The following DNAH14 variants were observed in gnomAD, a reference collection of about 807,000 sequenced individuals.
DNAH14 encodes dynein axonemal heavy chain 14, also known as axonemal beta dynein heavy chain 14.
Under a neutral mutation model 520.9 loss-of-function variants are expected in DNAH14, and 478 were observed. That is an observed-to-expected ratio of 0.92 (90% CI 0.85 to 0.99). The LOEUF is 0.99. Ranked by LOEUF, DNAH14 falls within the 50% of genes least tolerant of loss-of-function variation. The pLI, the probability that DNAH14 is intolerant of heterozygous loss-of-function variation, is 0.00. For synonymous variants in DNAH14, 1,581 were observed against 1,757.2 expected (o/e 0.90, Z 2.51); for missense variants, 4,831 against 5,234.5 (o/e 0.92, Z 2.38).
chr1:225,340,710 A>G lies in DNAH14; in HGVS notation c.10678+9A>G. ...ACTGCAGAAAGCACTAGGTAAGTCA[A>G]GATATTTAGTGATAGTAAGAGATCT... is the stretch of plus-strand genomic sequence containing the variant. On this transcript the variant is annotated intron_variant, in intron 69 of 85. Transcript: ENST00000682510. 6.5e-7 allele frequency: 1 copy of G among 1,549,528 alleles called. No homozygotes were observed. Among genetic ancestry groups the G allele is most frequent in the Non-Finnish European group, 8.7e-7 (1 of 1,145,854 alleles).
At chr1:224,930,399 C>A (rs550084958) in intron 1 of DNAH14, among the ~76,000 whole-genome samples, 1 of 152,168 alleles carries the variant, frequency 6.6e-6, no homozygotes, top group Non-Finnish European at 1.5e-5. Context: ...TGCCTCATAA[C>A]AGCGGTAGTC....
At chr1:225,379,925 C>T (rs1408971992) in intron 79 of DNAH14, among the ~76,000 whole-genome samples, 1 of 152,188 alleles carries the variant, frequency 6.6e-6, no homozygotes, top group Non-Finnish European at 1.5e-5. Context: ...CAGGGCAATT[C>T]ATATGTCCAT....
intron 46 of DNAH14, among the ~76,000 whole-genome samples, chr1:225,263,541 A>T (rs2093012351): frequency 6.6e-6 from 1 of 151,822 alleles, no homozygotes; most frequent in Non-Finnish European, 1.5e-5. Context: ...CTATCTTCAC[A>T]TATATCTTGA....
chr1:224,952,837 T>C (rs546294120), intron 2 of DNAH14, 58 bp downstream of exon 2: 12 of 1,276,958 alleles, frequency 9.4e-6, no homozygotes, highest in Non-Finnish European at 1.3e-5. Context: ...CAGCAGTGTA[T>C]GGCTGGTGGT....
chr1:224,967,475 GA>G lies in DNAH14; in HGVS notation c.547del (p.Ser183ValfsTer13). 2 of 1,576,042 alleles carry G rather than the reference GA, an allele frequency of 1.3e-6. No homozygotes were observed. Among genetic ancestry groups the G allele is most frequent in the South Asian group, 1.2e-5 (1 of 82,634 alleles). ...GAGAATTTGTTTATTGCCTTCCTCG[GA>G]AAAGTCCTAAATCCCTTTACAATCC... is the stretch of plus-strand genomic sequence containing the variant. Reference protein sequence around the residue: ...DGEFVYCLPRKSPKSLYNPYD... With the variant: ...DGEFVYCLPRXSPKSLYNPYD... On this transcript the variant is annotated frameshift_variant, in exon 6 of 86. Transcript: ENST00000682510. LOFTEE classifies it high-confidence loss of function.
Position 225,043,036 on chromosome 1 carries a change from A to G in DNAH14, c.1690A>G (p.Lys564Glu), listed in dbSNP as rs1190238624. 11 of 1,551,656 alleles carry G rather than the reference A, an allele frequency of 7.1e-6. No individual in the cohort carries two copies. The highest frequency in any genetic ancestry group is 9.6e-6 in the Non-Finnish European group (11 of 1,147,016). Residue 564 changes from lysine (K) to glutamate (E), a missense_variant, in exon 13 of 86, where the codon AAA (lysine) becomes GAA (glutamate). Transcript: ENST00000682510. ...AGAAAATAAAGACAATTGTGTCAAA[A>G]AACACTCAAGTGAAGAATTGCTCCC... ...MSENKDNCVK[K>E]HSSEELLPKA...
intron 23 of DNAH14, among the ~76,000 whole-genome samples, chr1:225,103,876 C>T (rs1055114796): frequency 6.6e-6 from 1 of 152,048 alleles, no homozygotes; most frequent in Non-Finnish European, 1.5e-5. Context: ...ATTGAATACC[C>T]TTTATTTCCT....
chr1:225,186,547 T>G (rs922681983), intron 37 of DNAH14, among the ~76,000 whole-genome samples: 27 of 151,818 alleles, frequency 1.8e-4, no homozygotes, highest in Non-Finnish European at 3.2e-4. Context: ...TGTGAGAAAT[T>G]TGGAAAATAA....
intron 77 of DNAH14, among the ~76,000 whole-genome samples, chr1:225,372,068 G>T (rs942104973): frequency 6.6e-6 from 1 of 152,132 alleles, no homozygotes; most frequent in Non-Finnish European, 1.5e-5. Context: ...GTAATAAGTG[G>T]AGGTCCGATT....
chr1:225,105,774 G>A (rs111479848), intron 23 of DNAH14, among the ~76,000 whole-genome samples: 1,775 of 152,030 alleles, frequency 0.012, 20 homozygotes, highest in Non-Finnish European at 0.017. Flanking sequence ...TTGAGCCTAT[G>A]TGTGTCTCTG....
chr1:225,328,560 ACTTC>A (rs910688684), intron 64 of DNAH14, among the ~76,000 whole-genome samples: 29 of 152,132 alleles, frequency 1.9e-4, no homozygotes, highest in Non-Finnish European at 2.4e-4. Flanking sequence ...TCAGCTACAT[ACTTC>A]CTTCCAGTTA....
intron 21 of DNAH14, among the ~76,000 whole-genome samples, chr1:225,094,656 C>CAAAAAAAAAAAAAAAA (rs760828776): frequency 5.3e-4 from 41 of 77,818 alleles, no homozygotes; most frequent in Non-Finnish European, 1.2e-3. Flanking sequence ...TTCTGCACAG[C>CAAAAAAAAAAAAAAAA]AAAAAAAAAA....
chr1:225,040,005 T>C (rs2067323697), intron 12 of DNAH14, among the ~76,000 whole-genome samples: 1 of 142,990 alleles, frequency 7.0e-6, no homozygotes, highest in African/African-American at 2.5e-5. Flanking sequence ...TGGTGTGATC[T>C]CGACTCACTG....
intron 11 of DNAH14, among the ~76,000 whole-genome samples, chr1:225,033,887 T>G (rs76578448): frequency 0.025 from 3,771 of 152,244 alleles, 123 homozygotes; most frequent in African/African-American, 0.077. Flanking sequence ...TGTTAGTATA[T>G]AGGAATGCTA....
intron 4 of DNAH14, among the ~76,000 whole-genome samples, chr1:224,962,867 A>G (rs1035719691): frequency 6.6e-6 from 1 of 152,130 alleles, no homozygotes; most frequent in Non-Finnish European, 1.5e-5. Context: ...AGTCTTTGTC[A>G]GATCTGTTGA....
intron 68 of DNAH14, among the ~76,000 whole-genome samples, chr1:225,339,522 G>C (rs965570091): frequency 6.6e-6 from 1 of 152,122 alleles, no homozygotes; most frequent in African/African-American, 2.4e-5. Flanking sequence ...ACTACACTTT[G>C]GAAAACACTG....
chr1:225,060,309 C>G lies in DNAH14; in HGVS notation c.2424+8514C>G, dbSNP rs1419495534. ...CCTTTCTTCCAGTTGATCGAATCAACTACTGAGGCTTGTGCATTCGTCACA... is the reference window on the plus strand; with the variant it reads ...CCTTTCTTCCAGTTGATCGAATCAAGTACTGAGGCTTGTGCATTCGTCACA... On this transcript the variant is annotated intron_variant, in intron 17 of 85. Coordinates refer to ENST00000682510, the MANE Select transcript of DNAH14 (RefSeq NM_001367479.1). 3.3e-5 allele frequency among the ~76,000 whole-genome samples: 5 copies of G among 152,170 alleles called. No individual in the cohort carries two copies. In the East Asian group the frequency reaches 7.7e-4, roughly 23 times the overall value.
Position 225,043,792 on chromosome 1 carries a change from A to G in DNAH14, c.1814+3A>G, listed in dbSNP as rs984182549. 4.1e-6 allele frequency: 6 copies of G among 1,462,392 alleles called. No homozygotes were observed. The African/African-American group carries it at 8.5e-5, about 21-fold the overall frequency. 90.6% of individuals were successfully genotyped at this position (1,462,392 alleles called of 1,614,324 possible). A position where few individuals can be genotyped will look rare whatever the true frequency, so the allele number is the denominator to read the frequency against. ...GAGAATAAATACATGTATTATGAGT[A>G]AGTATTAGACATTTTAAAAATTACG... On this transcript the variant is annotated splice_donor_region_variant and intron_variant, in intron 14 of 85. Transcript: ENST00000682510.
intron 17 of DNAH14, among the ~76,000 whole-genome samples, chr1:225,073,658 G>A (rs868739972): frequency 1.4e-5 from 2 of 145,234 alleles, no homozygotes; most frequent in East Asian, 3.9e-4. Flanking sequence ...GTTGTTTTCA[G>A]TTTTTTGTTG....
Sources: gnomAD v4.1 joint callset for allele counts (sites outside exome capture counted in the v4.1 genomes callset) on GRCh38, gnomAD v4.1.1 for gene constraint, MANE v1.5 for transcripts, NCBI Gene and HGNC (gene_info 2026-07-23, HGNC 2026-07-21) for gene names.